Variants in PDE4D observed in about 807,000 individuals in gnomAD.
PDE4D encodes the protein 3',5'-cyclic-AMP phosphodiesterase 4D.
A neutral mutation model predicts 87.4 loss-of-function variants in PDE4D; 24 were observed. The observed-to-expected ratio is 0.27, with a 90% confidence interval of 0.20 to 0.39. The LOEUF (loss-of-function observed/expected upper bound fraction) is 0.39. PDE4D is among the 10% of genes least tolerant of loss of function. The pLI, the probability that PDE4D is intolerant of heterozygous loss-of-function variation, is 1.00. For synonymous variants in PDE4D, 384 were observed against 383.2 expected, an observed-to-expected ratio of 1.00 and a Z score of -0.02; for missense variants, 714 against 1,041.0, an observed-to-expected ratio of 0.69 and a Z score of 4.32.
At chr5:60,155,122 T>C (rs1781851996) in intron 2 of PDE4D, among the ~76,000 whole-genome samples, 2 of 152,200 alleles carry the variant, frequency 1.3e-5, no homozygotes, top group African/African-American at 4.8e-5. Context: ...AGGACTAGAA[T>C]TACTGGGTCA....
intron 1 of PDE4D, among the ~76,000 whole-genome samples, chr5:59,579,509 G>A (rs1823720296): frequency 1.3e-5 from 2 of 152,160 alleles, no homozygotes; most frequent in South Asian, 4.1e-4. Context: ...TGAATATTTT[G>A]AAGAAAGTAA....
chr5:59,259,325 T>A (rs1761547770), intron 1 of PDE4D, among the ~76,000 whole-genome samples: 1 of 151,834 alleles, frequency 6.6e-6, no homozygotes, highest in African/African-American at 2.4e-5. Context: ...AGTTCCAAAT[T>A]CATTTGACTT....
At chr5:60,033,713 G>C (rs1192215557) in intron 2 of PDE4D, among the ~76,000 whole-genome samples, 1 of 152,084 alleles carries the variant, frequency 6.6e-6, no homozygotes, top group Non-Finnish European at 1.5e-5. Flanking sequence ...AGCAGTGTGG[G>C]GTTTTTGAAG....
At chr5:59,975,368 A>C (rs1261478487) in intron 3 of PDE4D, among the ~76,000 whole-genome samples, 2 of 152,148 alleles carry the variant, frequency 1.3e-5, no homozygotes, top group Non-Finnish European at 2.9e-5. Context: ...TAGCACTTAC[A>C]TCTTAAAGTT....
rs562388338 is a variant in PDE4D at position 59,714,161 on chromosome 5, C to G, written c.455+179007G>C. Among the ~76,000 whole-genome samples the G allele has an allele frequency of 7.2e-5, 11 of 152,320 alleles. No homozygotes were observed. In the South Asian group the frequency reaches 2.1e-3, roughly 29 times the overall value. On this transcript the variant is annotated intron_variant, in intron 1 of 14. Coordinates refer to ENST00000340635, the MANE Select transcript of PDE4D (RefSeq NM_001104631.2). ...AGAAAAGGGGGCCCCAACAAGTGAC[C>G]CACTCACAGATGTGGATAGATTTGA...
At chr5:59,886,253 G>C (rs537016103) in intron 1 of PDE4D, among the ~76,000 whole-genome samples, 3 of 152,252 alleles carry the variant, frequency 2.0e-5, no homozygotes, top group Admixed American at 2.0e-4. Flanking sequence ...GGAAAGCCCA[G>C]AAAAGAAAAA....
chr5:59,377,716 A>G (rs1446404439), intron 1 of PDE4D, among the ~76,000 whole-genome samples: 1 of 152,222 alleles, frequency 6.6e-6, no homozygotes, highest in Non-Finnish European at 1.5e-5. Flanking sequence ...AATCATATGA[A>G]AAAGTCTTCA....
At chr5:59,525,253 C>A (rs992203273) in intron 1 of PDE4D, among the ~76,000 whole-genome samples, 7 of 152,194 alleles carry the variant, frequency 4.6e-5, no homozygotes, top group Admixed American at 6.5e-5. Flanking sequence ...GTGGTGGGGA[C>A]CCAACTCTTG....
At chr5:59,713,554 CCCTCAGA>C (rs1218397460) in intron 1 of PDE4D, among the ~76,000 whole-genome samples, 2 of 152,146 alleles carry the variant, frequency 1.3e-5, no homozygotes, top group Non-Finnish European at 2.9e-5. Flanking sequence ...CCACTGACTC[CCCTCAGA>C]CCTCAGTTAG....
chr5:59,734,950 A>G (rs1000972069), intron 1 of PDE4D, among the ~76,000 whole-genome samples: 7 of 152,334 alleles, frequency 4.6e-5, no homozygotes, highest in South Asian at 4.1e-4. Flanking sequence ...AAGCCTTAAT[A>G]GGAATTACAT....
intron 1 of PDE4D, among the ~76,000 whole-genome samples, chr5:59,666,784 CAAG>C (rs1746143022): frequency 6.6e-6 from 1 of 152,162 alleles, no homozygotes; most frequent in Non-Finnish European, 1.5e-5. Context: ...TTCTGAATTC[CAAG>C]AAGAATGAAA....
At chr5:60,010,207 C>T (rs1037028231) in intron 2 of PDE4D, among the ~76,000 whole-genome samples, 1 of 152,084 alleles carries the variant, frequency 6.6e-6, no homozygotes, top group Non-Finnish European at 1.5e-5. Flanking sequence ...CTCAAAGCCA[C>T]TGGCAAGTTA....
chr5:59,012,337 A>G (rs10061320), intron 6 of PDE4D, among the ~76,000 whole-genome samples: 15,763 of 152,238 alleles, frequency 0.1, 1,296 homozygotes, highest in East Asian at 0.47. Flanking sequence ...TAAATGTTCC[A>G]ATTAAAAAAC....
chr5:59,532,887 T>C (rs1165543656), intron 1 of PDE4D, among the ~76,000 whole-genome samples: 1 of 152,166 alleles, frequency 6.6e-6, no homozygotes, highest in Non-Finnish European at 1.5e-5. Flanking sequence ...AGAAAGTTAT[T>C]TGGAGTCTTC....
intron 1 of PDE4D, among the ~76,000 whole-genome samples, chr5:59,643,935 C>T (rs961342601): frequency 1.3e-5 from 2 of 152,002 alleles, no homozygotes; most frequent in Non-Finnish European, 1.5e-5. Context: ...TCAATAATAC[C>T]AACATTTGTA....
At chr5:59,684,644 C>A (rs1170777577) in intron 1 of PDE4D, among the ~76,000 whole-genome samples, 3 of 152,176 alleles carry the variant, frequency 2.0e-5, no homozygotes, top group Admixed American at 6.5e-5. Context: ...TGAGGATATG[C>A]TGCAGACCTC....
In PDE4D at chr5:59,205,652, A is replaced by AC. The variant is rs1329110204; in HGVS notation, c.647+10124_647+10125insG. Reference sequence around the variant, plus strand: ...CTGTCTAATATGCTATCCACTAGCTAAACACACACACACACACACACACAC... The same window carrying AC: ...CTGTCTAATATGCTATCCACTAGCTACAACACACACACACACACACACACAC... On this transcript the variant is annotated intron_variant, in intron 2 of 14. Coordinates refer to ENST00000340635, the MANE Select transcript of PDE4D (RefSeq NM_001104631.2). 5.4e-5 allele frequency among the ~76,000 whole-genome samples: 6 copies of AC among 111,814 alleles called. No homozygotes were observed. The East Asian group carries it at 1.0e-3, about 19-fold the overall frequency. 73.4% of individuals were successfully genotyped at this position (111,814 alleles called of 152,430 possible).
At chr5:59,125,701 G>A (rs1580932885) in intron 5 of PDE4D, among the ~76,000 whole-genome samples, 2 of 152,134 alleles carry the variant, frequency 1.3e-5, no homozygotes, top group African/African-American at 2.4e-5. Context: ...AGAGCAATTC[G>A]AATCATAGAC....
Position 59,031,945 on chromosome 5 carries a change from G to A in PDE4D, c.921+6914C>T, listed in dbSNP as rs1320231296. On this transcript the variant is annotated intron_variant, in intron 6 of 14. Coordinates refer to ENST00000340635, the MANE Select transcript of PDE4D (RefSeq NM_001104631.2). ...TTACCAGAGGCTGTAGAGGAGGAGG[G>A]AGAGAGAAATGGAAGATGTCGATCA... is the stretch of plus-strand genomic sequence containing the variant. Among the ~76,000 whole-genome samples the A allele has an allele frequency of 3.3e-5, 5 of 152,144 alleles. No homozygotes were observed. The South Asian group carries it at 6.2e-4, about 19-fold the overall frequency.
Sources: allele counts gnomAD v4.1 joint callset (sites outside exome capture counted in the v4.1 genomes callset), GRCh38; gene constraint gnomAD v4.1.1; transcripts MANE v1.5; gene names NCBI Gene and HGNC (gene_info 2026-07-23, HGNC 2026-07-21).